The following HSD17B4 variants were observed in gnomAD, a reference collection of about 807,000 sequenced individuals.
The protein encoded by HSD17B4 is hydroxysteroid 17-beta dehydrogenase 4.
A neutral mutation model predicts 101.0 loss-of-function variants in HSD17B4; 70 were observed. The observed-to-expected ratio is 0.69, with a 90% CI of 0.57 to 0.85. The LOEUF is 0.85. Among genes scored for constraint, HSD17B4 ranks in the 40% least tolerant of loss-of-function variants. The pLI is 0.00. For missense variants in HSD17B4, 984 were observed against 892.4 expected (o/e 1.10, Z -1.31); for synonymous variants, 347 against 297.1 (o/e 1.17, Z -1.73).
In HSD17B4 at chr5:119,536,418, C is replaced by G. The variant is rs1022703132; in HGVS notation, c.1994-5C>G. The G allele has an allele frequency of 6.2e-7, 1 of 1,611,786 alleles. No individual in the cohort carries two copies. The highest frequency in any genetic ancestry group is 1.1e-5 in the South Asian group (1 of 91,046). ...TACACATTGGTTTCTTCCTATTTTT[C>G]CCAGCTATTGACCTGAAAAGTGGTT... On this transcript the variant is annotated splice_polypyrimidine_tract_variant and splice_region_variant and intron_variant, in intron 22 of 23. Transcript: ENST00000510025.
chr5:119,509,052 C>T (rs1254627999), intron 15 of HSD17B4, 89 bp from the exon 16 acceptor site: 1 of 780,792 alleles, frequency 1.3e-6, no homozygotes, highest in Non-Finnish European at 2.2e-6. Flanking sequence ...TTTTTGAAAC[C>T]TTGACAGGAA....
chr5:119,536,296 A>T (rs1446809114), intron 22 of HSD17B4, 127 bp from the exon 23 acceptor site: 1 of 837,334 alleles, frequency 1.2e-6, no homozygotes, highest in Non-Finnish European at 2.0e-6. Context: ...GATAGATAGA[A>T]TATGTGTAGA....
intron 20 of HSD17B4, 76 bp downstream of exon 20, chr5:119,527,295 A>G: frequency 2.5e-6 from 2 of 810,376 alleles, no homozygotes; most frequent in South Asian, 2.9e-5. Flanking sequence ...TTTGGTTAGT[A>G]CTATGGATAG....
At position 119,529,989 on chromosome 5, in the gene HSD17B4, T is replaced by C; in HGVS notation, c.1854+9T>C. The C allele has an allele frequency of 6.6e-7, 1 of 1,509,352 alleles. No homozygotes were observed. Among genetic ancestry groups the C allele is most frequent in the Non-Finnish European group, 9.2e-7 (1 of 1,085,224 alleles). The allele number at this position is 1,509,352 out of a possible 1,614,324, so 93.5% of individuals were successfully genotyped here. A position where few individuals can be genotyped will look rare whatever the true frequency, so the allele number is the denominator to read the frequency against. ...CTAAGACACCCTCTGAGGTAGGTTA[T>C]AAAAATTAGTATCCAAGCCACTTCC... On this transcript the variant is annotated intron_variant, in intron 21 of 23. Coordinates refer to ENST00000510025, the MANE Select transcript of HSD17B4 (RefSeq NM_000414.4).
intron 1 of HSD17B4, among the ~76,000 whole-genome samples, chr5:119,453,400 T>C (rs1321845119): frequency 6.6e-6 from 1 of 152,182 alleles, no homozygotes; most frequent in Non-Finnish European, 1.5e-5. Context: ...AATTGTTATG[T>C]GAAATAGCCC....
intron 14 of HSD17B4, among the ~76,000 whole-genome samples, chr5:119,503,942 CTCTAGTAG>C (rs1048403008): frequency 3.7e-4 from 57 of 152,166 alleles, no homozygotes; most frequent in African/African-American, 1.3e-3. Context: ...GCTCTCCCTA[CTCTAGTAG>C]TCCCCATTGT....
intron 8 of HSD17B4, among the ~76,000 whole-genome samples, chr5:119,480,110 C>T (rs906831903): frequency 1.3e-5 from 2 of 151,926 alleles, no homozygotes; most frequent in African/African-American, 4.8e-5. Context: ...CATTTTTTTC[C>T]TATGCTTATT....
intron 2 of HSD17B4, among the ~76,000 whole-genome samples, chr5:119,459,003 C>G (rs1224009506): frequency 6.6e-6 from 1 of 152,236 alleles, no homozygotes; most frequent in African/African-American, 2.4e-5. Context: ...GAGTTCTACT[C>G]TTGAACTGAA....
intron 4 of HSD17B4, among the ~76,000 whole-genome samples, 171 bp downstream of exon 4, chr5:119,474,631 G>A (rs1364430581): frequency 2.6e-5 from 4 of 152,088 alleles, no homozygotes; most frequent in African/African-American, 7.2e-5. Context: ...TTTAATTGAG[G>A]TGGCAATTTT....
At chr5:119,499,253 G>A in intron 12 of HSD17B4, 64 bp from the exon 13 acceptor site, 1 of 1,098,328 alleles carries the variant, frequency 9.1e-7, no homozygotes, top group Admixed American at 1.7e-5. Flanking sequence ...AACTAGGTAT[G>A]TAAGAAGTTA....
At chr5:119,530,646 A>C (rs1753988533) in intron 21 of HSD17B4, among the ~76,000 whole-genome samples, 1 of 151,736 alleles carries the variant, frequency 6.6e-6, no homozygotes, top group Non-Finnish European at 1.5e-5. Flanking sequence ...TGAGGTCAGG[A>C]GTTCAAGACC....
rs765736425 is a variant in HSD17B4, at chr5:119,479,035, C to T, written c.622+14C>T. On this transcript the variant is annotated intron_variant, in intron 8 of 23. Coordinates refer to ENST00000510025, the MANE Select transcript of HSD17B4 (RefSeq NM_000414.4). ...TTATGCCTGAAGGTAAGTAAGCAAG[C>T]TTATATTTTTCAGTGCTGTTACTTA... The T allele has an allele frequency of 5.0e-6, 8 of 1,603,752 alleles. No individual in the cohort carries two copies. In the African/African-American group the frequency reaches 6.7e-5, roughly 13 times the overall value.
intron 17 of HSD17B4, among the ~76,000 whole-genome samples, chr5:119,518,768 A>G (rs1752867616): frequency 6.6e-6 from 1 of 152,122 alleles, no homozygotes; most frequent in South Asian, 2.1e-4. Flanking sequence ...GGCAATATAT[A>G]TTTTTAACTA....
chr5:119,523,592 A>G (rs1753306665), intron 17 of HSD17B4, among the ~76,000 whole-genome samples: 1 of 152,162 alleles, frequency 6.6e-6, no homozygotes, highest in Non-Finnish European at 1.5e-5. Flanking sequence ...CAATGCTATC[A>G]TTGAAATAAT....
At chr5:119,476,601 A>T (rs1748606330) in intron 6 of HSD17B4, 1 of 985,224 alleles carries the variant, frequency 1.0e-6, no homozygotes, top group Non-Finnish European at 1.2e-6. Context: ...AATTAAGCTA[A>T]GAAGAGCTTT....
At chr5:119,452,857 C>T (rs1219429949) in intron 1 of HSD17B4, 2 of 1,535,224 alleles carry the variant, frequency 1.3e-6, no homozygotes, top group African/African-American at 1.4e-5. Context: ...CCGGTGTGGG[C>T]TTCCCAAGGT....
At chr5:119,488,047 T>C (rs1202593986) in intron 8 of HSD17B4, among the ~76,000 whole-genome samples, 1 of 152,192 alleles carries the variant, frequency 6.6e-6, no homozygotes, top group African/African-American at 2.4e-5. Context: ...TTTAACACAT[T>C]AATACAAAAT....
At chr5:119,458,618 C>T (rs766383997) in intron 2 of HSD17B4, among the ~76,000 whole-genome samples, 14 of 151,552 alleles carry the variant, frequency 9.2e-5, no homozygotes, top group Non-Finnish European at 1.8e-4. Flanking sequence ...ACCGACATTT[C>T]ATTGGCCAAA....
At chr5:119,536,574 A>G (rs749531331) in intron 23 of HSD17B4, 24 bp downstream of exon 23, 2 of 1,609,066 alleles carry the variant, frequency 1.2e-6, no homozygotes, top group Admixed American at 1.7e-5. Flanking sequence ...ATGTTCATTT[A>G]TTCATTGTTT....
Sources: allele counts gnomAD v4.1 joint callset (sites outside exome capture counted in the v4.1 genomes callset), GRCh38; gene constraint gnomAD v4.1.1; transcripts MANE v1.5; gene names NCBI Gene and HGNC (gene_info 2026-07-23, HGNC 2026-07-21).